ARHGEF6: variants seen among roughly 807,000 people sequenced by gnomAD.
The protein encoded by ARHGEF6 is rho guanine nucleotide exchange factor 6.
ARHGEF6 carries 9 observed loss-of-function variants against 70.3 expected under a neutral mutation model. The ratio of observed to expected loss-of-function variants is 0.13; its 90% CI spans 0.08 to 0.22. The LOEUF (loss-of-function observed/expected upper bound fraction) is 0.22, where lower values mean the gene tolerates loss of function less well. ARHGEF6 is among the 10% of genes least tolerant of loss of function. ARHGEF6 has a pLI of 1.00. For synonymous variants in ARHGEF6, 201 were observed against 207.8 expected, an observed-to-expected ratio of 0.97 and a Z score of 0.28; for missense variants, 470 against 563.0, an observed-to-expected ratio of 0.83 and a Z score of 1.67.
intron 6 of ARHGEF6, among the ~76,000 whole-genome samples, chrX:136,727,405 CTCTCTCTCTT>C (rs2076876891): frequency 2.1e-5 from 2 of 93,793 alleles, no homozygotes; most frequent in Non-Finnish European, 4.2e-5. Context: ...TTCTCTCTCT[CTCTCTCTCTT>C]TCTTTCTTTC....
At chrX:136,683,272 T>C (rs1316931701) in intron 12 of ARHGEF6, among the ~76,000 whole-genome samples, 2 of 112,461 alleles carry the variant, frequency 1.8e-5, no homozygotes, top group African/African-American at 6.5e-5. Context: ...TCTAACATGT[T>C]TGTTAAAGTC....
chrX:136,745,464 T>C, intron 3 of ARHGEF6, 117 bp from the exon 4 acceptor site: 1 of 947,909 alleles, frequency 1.1e-6, no homozygotes, highest in Non-Finnish European at 1.5e-6. Context: ...ATTCTAACTG[T>C]TATCATTATG....
At chrX:136,671,380 A>T (rs2076224237) in intron 20 of ARHGEF6, among the ~76,000 whole-genome samples, 1 of 112,299 alleles carries the variant, frequency 8.9e-6, no homozygotes, top group East Asian at 2.8e-4. Context: ...TTTAGGCCTG[A>T]CTTCAGAAAT....
At chrX:136,682,940 T>C (rs948987283) in intron 12 of ARHGEF6, 96 bp from the exon 13 acceptor site, 2 of 674,057 alleles carry the variant, frequency 3.0e-6, no homozygotes, top group African/African-American at 4.3e-5. Flanking sequence ...AGACCTTATA[T>C]AAACAACTGA....
At chrX:136,668,533 C>CTTCTTCTTATTATTATTATTATTA (rs61661248) in intron 21 of ARHGEF6, among the ~76,000 whole-genome samples, 12 of 98,462 alleles carry the variant, frequency 1.2e-4, no homozygotes, top group African/African-American at 4.5e-4. Context: ...TCTTCTTCTT[C>CTTCTTCTTATTATTATTATTATTA]TTATTATTAT....
intron 6 of ARHGEF6, among the ~76,000 whole-genome samples, chrX:136,715,777 A>T (rs1205608695): frequency 9.0e-6 from 1 of 111,687 alleles, no homozygotes; most frequent in Non-Finnish European, 1.9e-5. Context: ...CTCAGTGAAG[A>T]TTAGAGGAAA....
At position 136,736,777 on chromosome X, in the gene ARHGEF6, G is replaced by T. The variant is rs149718628; in HGVS notation, c.662-4605C>A. Among the ~76,000 whole-genome samples, 57 of 111,091 alleles carry T rather than the reference G, an allele frequency of 5.1e-4. No individual in the cohort carries two copies. The East Asian group carries it at 0.015, about 29-fold the overall frequency. ...AAAAGCTATCCCCAGAGCTTTGGCC[G>T]TAATTATCTCTAGATGAGAGCTACA... On this transcript the variant is annotated intron_variant, in intron 5 of 21. Transcript: ENST00000250617.
intron 2 of ARHGEF6, among the ~76,000 whole-genome samples, chrX:136,752,478 C>T (rs962617015): frequency 8.9e-6 from 1 of 112,342 alleles, no homozygotes; most frequent in Non-Finnish European, 1.9e-5. Context: ...CGTGCAATGA[C>T]ACCTAGCCTC....
At chrX:136,732,045 A>G in intron 6 of ARHGEF6, 57 bp downstream of exon 6, 8 of 939,422 alleles carry the variant, frequency 8.5e-6, no homozygotes, top group Non-Finnish European at 1.2e-5. Context: ...TGGTTTGACA[A>G]GTGAAAAAGT....
At position 136,775,176 on chromosome X, in the gene ARHGEF6, A is replaced by T. The variant is rs1422456291; in HGVS notation, c.249+4238T>A. On this transcript the variant is annotated intron_variant, in intron 2 of 21. Transcript: ENST00000250617. ...CTATCCCAAAAGACAGAGAGAGATA[A>T]TCCTCCCTAAATCATTCTATGAAGC... is the stretch of plus-strand genomic sequence containing the variant. 1.7e-4 allele frequency among the ~76,000 whole-genome samples: 19 copies of T among 111,346 alleles called. No individual in the cohort carries two copies. In the Admixed American group the frequency reaches 1.8e-3, roughly 11 times the overall value.
At position 136,669,547 on chromosome X, in the gene ARHGEF6, A is replaced by C; in HGVS notation, c.2136-11T>G. ...GTATCAACAAGGCTCCTAGAAAATA[A>C]AGATAAAATTCAGAGACAAATGGCT... On this transcript the variant is annotated splice_polypyrimidine_tract_variant and intron_variant, in intron 20 of 21. Transcript: ENST00000250617. 8.3e-7 allele frequency: 1 copy of C among 1,199,122 alleles called. No individual in the cohort carries two copies. Among genetic ancestry groups the C allele is most frequent in the South Asian group, 1.8e-5 (1 of 56,687 alleles).
intron 6 of ARHGEF6, among the ~76,000 whole-genome samples, chrX:136,725,262 T>C (rs1473263061): frequency 9.0e-6 from 1 of 110,851 alleles, no homozygotes; most frequent in East Asian, 2.8e-4. Flanking sequence ...TAAATGGAAA[T>C]ATACATTAAA....
At chrX:136,734,808 T>C (rs2076969676) in intron 5 of ARHGEF6, among the ~76,000 whole-genome samples, 2 of 112,046 alleles carry the variant, frequency 1.8e-5, no homozygotes, top group Admixed American at 1.9e-4. Flanking sequence ...ATGGGATTCA[T>C]CCTAGGTTGG....
Position 136,666,343 on chromosome X carries a change from G to A in ARHGEF6, c.*1686C>T, listed in dbSNP as rs945727630. 2 of 111,918 alleles carry A rather than the reference G, an allele frequency of 1.8e-5. No individual in the cohort carries two copies. Among genetic ancestry groups the A allele is most frequent in the Admixed American group, 1.9e-4 (2 of 10,628 alleles). 9.2% of individuals were successfully genotyped at this position (111,918 alleles called of 1,213,427 possible). A position where few individuals can be genotyped will look rare whatever the true frequency, so the allele number is the denominator to read the frequency against. On this transcript the variant is annotated 3_prime_UTR_variant, in exon 22 of 22. Transcript: ENST00000250617. The stretch of plus-strand genomic sequence containing the variant: ...TAAAAAGGGCTCCTCAGCAAGCTGG[G>A]GGTTTCAAACTTCAAGTTTTGTTTT...
chrX:136,757,891 GGTAT>G (rs2077223904), intron 2 of ARHGEF6, among the ~76,000 whole-genome samples: 1 of 111,165 alleles, frequency 9.0e-6, no homozygotes, highest in Non-Finnish European at 1.9e-5. Flanking sequence ...AATTCAAACA[GGTAT>G]GTCTTCCACC....
At chrX:136,679,828 G>A (rs997331609) in intron 15 of ARHGEF6, among the ~76,000 whole-genome samples, 168 bp from the exon 16 acceptor site, 1 of 112,329 alleles carries the variant, frequency 8.9e-6, no homozygotes, top group African/African-American at 3.2e-5. Context: ...TTCCAGTCCA[G>A]ATTATCGGGT....
chrX:136,765,573 G>A (rs978738047), intron 2 of ARHGEF6, among the ~76,000 whole-genome samples: 1 of 112,532 alleles, frequency 8.9e-6, no homozygotes, highest in African/African-American at 3.2e-5. Context: ...GCAAAGACAA[G>A]GCTGAGATGT....
chrX:136,679,995 G>A (rs1333339934), intron 15 of ARHGEF6, among the ~76,000 whole-genome samples: 2 of 112,114 alleles, frequency 1.8e-5, no homozygotes, highest in Non-Finnish European at 3.8e-5. Context: ...CACTCTAGTA[G>A]GTGCTTAAAT....
chrX:136,759,912 T>C (rs73565163), intron 2 of ARHGEF6, among the ~76,000 whole-genome samples: 1,154 of 112,152 alleles, frequency 0.01, 22 homozygotes, highest in African/African-American at 0.036. Flanking sequence ...ATTAGGAAGG[T>C]AAATCTTCTG....
Sources: gnomAD v4.1 joint callset for allele counts (sites outside exome capture counted in the v4.1 genomes callset) on GRCh38, gnomAD v4.1.1 for gene constraint, MANE v1.5 for transcripts, NCBI Gene and HGNC (gene_info 2026-07-23, HGNC 2026-07-21) for gene names.